The following MTPAP variants were observed in gnomAD, a reference collection of about 807,000 sequenced individuals.
MTPAP encodes the protein mitochondrial poly(A) polymerase.
Under a neutral mutation model 48.7 loss-of-function variants are expected in MTPAP, and 23 were observed. The observed-to-expected ratio is 0.47, with a 90% CI of 0.34 to 0.67. The LOEUF (loss-of-function observed/expected upper bound fraction) is 0.67, where lower values mean the gene tolerates loss of function less well. MTPAP is among the 30% of genes least tolerant of loss of function. The pLI, the probability that MTPAP is intolerant of heterozygous loss-of-function variation, is 0.01. For synonymous variants in MTPAP, 257 were observed against 254.1 expected (o/e 1.01, Z -0.11); for missense variants, 614 against 694.3 (o/e 0.88, Z 1.30).
At chr10:30,326,197 ATG>A (rs1264522168) in intron 5 of MTPAP, among the ~76,000 whole-genome samples, 3 of 152,240 alleles carry the variant, frequency 2.0e-5, no homozygotes, top group Non-Finnish European at 1.5e-5. Context: ...GAGGTTAGAT[ATG>A]TGAACATTTT....
At position 30,310,254 on chromosome 10, in the gene MTPAP, T is replaced by C. The variant is rs1252890354; in HGVS notation, c.*3355A>G. On this transcript the variant is annotated 3_prime_UTR_variant, in exon 9 of 9. Coordinates refer to ENST00000263063, the MANE Select transcript of MTPAP (RefSeq NM_018109.4). ...TATGAGAAAATATATTTGTCTGTAGTCTATATTCAGTTGAACAGACTTTAA... is the reference window on the plus strand; with the variant it reads ...TATGAGAAAATATATTTGTCTGTAGCCTATATTCAGTTGAACAGACTTTAA... 6.6e-6 allele frequency: 1 copy of C among 152,162 alleles called. No individual in the cohort carries two copies. The highest frequency in any genetic ancestry group is 1.5e-5 in the Non-Finnish European group (1 of 68,026). The allele number at this position is 152,162 out of a possible 1,614,324, so 9.4% of individuals were successfully genotyped here.
At chr10:30,334,878 A>G (rs944586937) in intron 4 of MTPAP, among the ~76,000 whole-genome samples, 1 of 152,230 alleles carries the variant, frequency 6.6e-6, no homozygotes, top group Non-Finnish European at 1.5e-5. Context: ...AGGAATAAGA[A>G]GTGGAAACAG....
At chr10:30,334,449 TC>T (rs1436441853) in intron 4 of MTPAP, among the ~76,000 whole-genome samples, 2 of 151,898 alleles carry the variant, frequency 1.3e-5, no homozygotes, top group African/African-American at 4.8e-5. Context: ...TCACCTGAGG[TC>T]AGGAGTTCCA....
Position 30,336,913 on chromosome 10 carries a change from C to A in MTPAP, c.670G>T (p.Asp224Tyr). 6.2e-7 allele frequency: 1 copy of A among 1,613,328 alleles called. No homozygotes were observed. The highest frequency in any genetic ancestry group is 8.5e-7 in the Non-Finnish European group (1 of 1,179,980). Residue 224 changes from aspartate to tyrosine, a missense_variant, in exon 4 of 9, where the codon GAC (aspartate) becomes TAC (tyrosine). Physicochemically the swap from Asp to Tyr is radical, Grantham distance 160 (BLOSUM62 -3). This residue lies in a region of MTPAP where 261 missense variants were observed against 355.4 expected (regional missense o/e 0.73). Transcript: ENST00000263063. ...IEDMAAAYFP[D>Y]CIVRPFGSSV... is the part of the protein sequence containing the mutation. ...GAGCCAAAGGGTCTGACTATGCAGT[C>A]TGGAAAATACGCGGCGGCCATGTCT...
chr10:30,340,008 G>A, intron 3 of MTPAP: 1 of 571,334 alleles, frequency 1.8e-6, no homozygotes, highest in Middle Eastern at 4.7e-4. Flanking sequence ...AATGTGTTGA[G>A]CATGACGACA....
chr10:30,317,672 T>C (rs1406300850), intron 6 of MTPAP, among the ~76,000 whole-genome samples: 4 of 152,180 alleles, frequency 2.6e-5, no homozygotes, highest in Non-Finnish European at 5.9e-5. Flanking sequence ...TTTTGTTCCA[T>C]TCACCATTTG....
rs1490115485 is a variant in MTPAP, at chr10:30,311,045, A to C, written c.*2564T>G. 6.6e-6 allele frequency: 1 copy of C among 152,228 alleles called. No homozygotes were observed. Among genetic ancestry groups the C allele is most frequent in the Non-Finnish European group, 1.5e-5 (1 of 68,040 alleles). The allele number at this position is 152,228 out of a possible 1,614,324, so 9.4% of individuals were successfully genotyped here. A position where few individuals can be genotyped will look rare whatever the true frequency, so the allele number is the denominator to read the frequency against. ...AAATGCTAACCCATACACATACTTT[A>C]TGTGCTTAAATAACCATATTACACC... On this transcript the variant is annotated 3_prime_UTR_variant, in exon 9 of 9. Coordinates refer to ENST00000263063, the MANE Select transcript of MTPAP (RefSeq NM_018109.4).
In MTPAP at chr10:30,348,897, C is replaced by T. The variant is rs760588982; in HGVS notation, c.157+222G>A. ...GTCTAAACAACTCCATTACTGTACA[C>T]AGGAGTCGCCCCAAACAAACATCAC... On this transcript the variant is annotated intron_variant, in intron 1 of 8. Coordinates refer to ENST00000263063, the MANE Select transcript of MTPAP (RefSeq NM_018109.4). The T allele has an allele frequency of 3.8e-4, 239 of 624,806 alleles. No homozygotes were observed. In the Middle Eastern group the frequency reaches 7.4e-3, roughly 19 times the overall value. 38.7% of individuals were successfully genotyped at this position (624,806 alleles called of 1,614,324 possible).
At chr10:30,337,682 T>C (rs903502705) in intron 3 of MTPAP, among the ~76,000 whole-genome samples, 5 of 152,186 alleles carry the variant, frequency 3.3e-5, no homozygotes, top group Non-Finnish European at 5.9e-5. Context: ...GCGATGAGTA[T>C]AAAGTATTGT....
rs376090255 is a variant in MTPAP, at chr10:30,313,759, T to C, written c.1599A>G (p.Pro533=). ...RPWGLVSLLL[P]SAPNRKSFTK... is the part of the protein sequence containing the mutation. Reference sequence around the variant, plus strand: ...TAAAGGACTTTCTGTTTGGAGCAGATGGTAGCAATAGGGATACCAGCCCCC... The same window carrying C: ...TAAAGGACTTTCTGTTTGGAGCAGACGGTAGCAATAGGGATACCAGCCCCC... The change falls in exon 9 of 9, where the codon CCA becomes CCG. Residue 533 remains proline (P), a synonymous_variant. Transcript: ENST00000263063. 2.5e-6 allele frequency: 4 copies of C among 1,614,092 alleles called. No individual in the cohort carries two copies. Among genetic ancestry groups the C allele is most frequent in the Non-Finnish European group, 3.4e-6 (4 of 1,180,030 alleles).
chr10:30,337,832 T>C (rs1834747670), intron 3 of MTPAP, among the ~76,000 whole-genome samples: 1 of 152,274 alleles, frequency 6.6e-6, no homozygotes, highest in South Asian at 2.1e-4. Flanking sequence ...GCCCAAGACC[T>C]CTCAGTTTCT....
intron 3 of MTPAP, among the ~76,000 whole-genome samples, chr10:30,337,244 G>C (rs978321666): frequency 6.6e-6 from 1 of 152,074 alleles, no homozygotes; most frequent in African/African-American, 2.4e-5. Context: ...GACCAACATG[G>C]AGAAACCCAA....
chr10:30,317,476 C>T (rs1454662442), intron 6 of MTPAP, among the ~76,000 whole-genome samples: 4 of 152,136 alleles, frequency 2.6e-5, no homozygotes, highest in African/African-American at 9.7e-5. Flanking sequence ...ACCTTTCCTA[C>T]TAGTATTTAT....
At chr10:30,324,910 C>T (rs1834565293) in intron 5 of MTPAP, among the ~76,000 whole-genome samples, 1 of 151,512 alleles carries the variant, frequency 6.6e-6, no homozygotes, top group African/African-American at 2.4e-5. Context: ...TGATTGAAGC[C>T]AGGAGGCGGA....
chr10:30,322,823 A>C (rs1840740227), intron 5 of MTPAP, among the ~76,000 whole-genome samples: 1 of 152,162 alleles, frequency 6.6e-6, no homozygotes, highest in African/African-American at 2.4e-5. Flanking sequence ...TTCCCATTAA[A>C]ACATCCTCTT....
chr10:30,316,238 G>GTT, intron 6 of MTPAP, 28 bp from the exon 7 acceptor site: 1 of 1,544,696 alleles, frequency 6.5e-7, no homozygotes, highest in Admixed American at 1.7e-5. Flanking sequence ...AATATTTCAC[G>GTT]TGTTTTTTTT....
intron 1 of MTPAP, among the ~76,000 whole-genome samples, chr10:30,346,367 C>A (rs1307585548): frequency 6.6e-6 from 1 of 151,984 alleles, no homozygotes; most frequent in Non-Finnish European, 1.5e-5. Context: ...CAGAGAGCAT[C>A]CAGAGAGGAA....
chr10:30,321,672 GGTC>G (rs1172275138), intron 6 of MTPAP, among the ~76,000 whole-genome samples: 1 of 152,166 alleles, frequency 6.6e-6, no homozygotes, highest in Non-Finnish European at 1.5e-5. Flanking sequence ...TGCCTCTTAA[GGTC>G]ATTTTAAACA....
chr10:30,323,451 C>CA (rs755342499), intron 5 of MTPAP, among the ~76,000 whole-genome samples: 59,794 of 84,970 alleles, frequency 0.7, 22,564 homozygotes, highest in Non-Finnish European at 0.83. Context: ...GACCCTGCCT[C>CA]AAAAAAAAAA....
Sources: allele counts gnomAD v4.1 joint callset (sites outside exome capture counted in the v4.1 genomes callset), GRCh38; gene constraint gnomAD v4.1.1; regional missense constraint gnomAD v4.1.1; transcripts MANE v1.5; gene names NCBI Gene and HGNC (gene_info 2026-07-23, HGNC 2026-07-21).